ANO1: variants seen among roughly 807,000 people sequenced by gnomAD.
The protein encoded by ANO1 is anoctamin 1, also known as anoctamin-1.
A neutral mutation model predicts 124.0 loss-of-function variants in ANO1; 59 were observed. That is an observed-to-expected ratio of 0.48 (90% confidence interval 0.39 to 0.59). The LOEUF (loss-of-function observed/expected upper bound fraction) is 0.59, where lower values mean the gene tolerates loss of function less well. ANO1 is among the 20% of genes least tolerant of loss of function. ANO1 has a pLI of 0.00. For synonymous variants in ANO1, 529 were observed against 532.0 expected, an observed-to-expected ratio of 0.99 and a Z score of 0.08; for missense variants, 1,059 against 1,328.0, an observed-to-expected ratio of 0.80 and a Z score of 3.15.
chr11:70,162,601 C>A (rs1426408295), intron 18 of ANO1, among the ~76,000 whole-genome samples: 2 of 151,498 alleles, frequency 1.3e-5, no homozygotes, highest in Non-Finnish European at 3.0e-5. Context: ...ACAATGATGC[C>A]CCCCACCCCC....
At chr11:70,028,668 C>T (rs951962219) in intron 1 of ANO1, among the ~76,000 whole-genome samples, 1 of 152,178 alleles carries the variant, frequency 6.6e-6, no homozygotes, top group Non-Finnish European at 1.5e-5. Flanking sequence ...TCCTTCCTCC[C>T]TGTCTGGGTC....
chr11:70,167,958 G>C (rs372837950), intron 21 of ANO1, among the ~76,000 whole-genome samples: 271 of 152,248 alleles, frequency 1.8e-3, no homozygotes, highest in South Asian at 1.0e-2. Context: ...CAGGAGCCAC[G>C]ACTTGCTCAC....
intron 1 of ANO1, among the ~76,000 whole-genome samples, chr11:70,068,310 C>A (rs1462232486): frequency 6.6e-6 from 1 of 152,232 alleles, no homozygotes; most frequent in East Asian, 1.9e-4. Flanking sequence ...GTAAACTCTT[C>A]ATTGTCCTCC....
intron 1 of ANO1, chr11:70,056,254 G>A (rs1268620461): frequency 2.0e-5 from 3 of 151,930 alleles, no homozygotes; most frequent in Non-Finnish European, 4.4e-5. Context: ...TATTTATTTT[G>A]TTTTCATTTT....
At chr11:70,017,777 C>A (rs1352374315) in intron 1 of ANO1, among the ~76,000 whole-genome samples, 1 of 152,064 alleles carries the variant, frequency 6.6e-6, no homozygotes, top group Admixed American at 6.5e-5. Flanking sequence ...ACCTCAGCCA[C>A]CCAAAGCTCT....
intron 21 of ANO1, among the ~76,000 whole-genome samples, chr11:70,170,397 G>A (rs1245814354): frequency 6.6e-6 from 1 of 152,218 alleles, no homozygotes; most frequent in East Asian, 1.9e-4. Flanking sequence ...TTTGAGACCA[G>A]CCCAGGCAAC....
At chr11:70,146,924 G>A (rs557574915) in intron 11 of ANO1, among the ~76,000 whole-genome samples, 5 of 152,300 alleles carry the variant, frequency 3.3e-5, no homozygotes, top group Admixed American at 2.0e-4. Context: ...CAGAGGGGAT[G>A]GTGCCCACCC....
At chr11:70,005,133 T>G (rs1554999880) in intron 1 of ANO1, among the ~76,000 whole-genome samples, 23 of 148,116 alleles carry the variant, frequency 1.6e-4, no homozygotes, top group East Asian at 6.0e-4. Context: ...AAAAAATTGG[T>G]GACAGAAACA....
chr11:70,088,445 G>T (rs2044481711), intron 2 of ANO1, among the ~76,000 whole-genome samples: 2 of 150,642 alleles, frequency 1.3e-5, no homozygotes, highest in Admixed American at 6.6e-5. Flanking sequence ...GGAGGCAGAG[G>T]TTGCAGTGAG....
At chr11:70,166,755 C>T (rs993886355) in intron 20 of ANO1, among the ~76,000 whole-genome samples, 3 of 152,242 alleles carry the variant, frequency 2.0e-5, no homozygotes, top group Non-Finnish European at 4.4e-5. Flanking sequence ...AAAGCCATGA[C>T]ACTTGCCCCC....
chr11:70,009,303 C>T (rs1017666231), intron 1 of ANO1, among the ~76,000 whole-genome samples: 1 of 152,084 alleles, frequency 6.6e-6, no homozygotes. Context: ...ATCTCTTTCT[C>T]GGGGAGGGAG....
At chr11:70,052,531 CT>C (rs200770702) in intron 1 of ANO1, among the ~76,000 whole-genome samples, 230 of 65,698 alleles carry the variant, frequency 3.5e-3, no homozygotes, top group Non-Finnish European at 5.8e-3. Context: ...TTTTTCTTTT[CT>C]TTTTTTTTTT....
intron 1 of ANO1, among the ~76,000 whole-genome samples, chr11:70,052,614 G>A (rs1014732825): frequency 2.3e-5 from 3 of 130,608 alleles, no homozygotes; most frequent in Admixed American, 9.5e-5. Context: ...GTGCAATGGC[G>A]CGATCTTGGC....
At chr11:70,091,195 C>T (rs1590702529) in intron 2 of ANO1, among the ~76,000 whole-genome samples, 1 of 152,178 alleles carries the variant, frequency 6.6e-6, no homozygotes, top group African/African-American at 2.4e-5. Context: ...GGGAATGAAC[C>T]TTTCCCGGAG....
intron 1 of ANO1, among the ~76,000 whole-genome samples, chr11:70,057,434 T>TTG (rs142366013): frequency 0.036 from 5,362 of 149,832 alleles, 294 homozygotes; most frequent in African/African-American, 0.12. Flanking sequence ...AACTCCAATT[T>TTG]TGTGTGTGTG....
intron 19 of ANO1, 28 bp from the exon 20 acceptor site, chr11:70,165,442 C>T (rs2048218676): frequency 1.3e-6 from 2 of 1,574,630 alleles, no homozygotes; most frequent in Admixed American, 1.8e-5. Context: ...GTCCCTGTAG[C>T]GTGGCTGATG....
chr11:70,043,558 T>TA (rs1464954912), intron 1 of ANO1, among the ~76,000 whole-genome samples: 31 of 151,892 alleles, frequency 2.0e-4, no homozygotes, highest in African/African-American at 7.2e-4. Flanking sequence ...AAACAAGTAA[T>TA]AAAAAAATAT....
intron 7 of ANO1, 93 bp from the exon 8 acceptor site, chr11:70,116,365 C>A: frequency 2.4e-6 from 3 of 1,262,492 alleles, no homozygotes; most frequent in South Asian, 1.3e-5. Flanking sequence ...TCAACGAGAG[C>A]TGCTGGGGTT....
intron 22 of ANO1, among the ~76,000 whole-genome samples, chr11:70,177,208 A>G (rs146026714): frequency 6.6e-6 from 1 of 152,306 alleles, no homozygotes; most frequent in Non-Finnish European, 1.5e-5. Context: ...GGGAGCCCCA[A>G]AGACTTCAAC....
Sources: allele counts gnomAD v4.1 joint callset (sites outside exome capture counted in the v4.1 genomes callset), GRCh38; gene constraint gnomAD v4.1.1; transcripts MANE v1.5; gene names NCBI Gene and HGNC (gene_info 2026-07-23, HGNC 2026-07-21).